Variants in TNFSF10 observed in about 807,000 individuals in gnomAD.
The protein encoded by TNFSF10 is TNF superfamily member 10, also known as tumor necrosis factor ligand superfamily member 10.
TNFSF10 carries 13 observed loss-of-function variants against 29.5 expected under a neutral mutation model. The ratio of observed to expected loss-of-function variants is 0.44; its 90% CI spans 0.29 to 0.70. The LOEUF (loss-of-function observed/expected upper bound fraction) is 0.70, where lower values mean the gene tolerates loss of function less well. TNFSF10 is among the 30% of genes least tolerant of loss of function. The pLI is 0.13. For missense variants in TNFSF10, 345 were observed against 330.9 expected (o/e 1.04, Z -0.33); for synonymous variants, 111 against 112.8 (o/e 0.98, Z 0.10).
chr3:172,512,994 A>G (rs1274451948), intron 2 of TNFSF10, among the ~76,000 whole-genome samples: 1 of 152,244 alleles, frequency 6.6e-6, no homozygotes, highest in Non-Finnish European at 1.5e-5. Flanking sequence ...AATGTATGAA[A>G]TGGGCATAGG....
chr3:172,511,360 A>C (rs1713216417), intron 3 of TNFSF10: 10 of 342,426 alleles, frequency 2.9e-5, no homozygotes, highest in Admixed American at 4.8e-5. Context: ...AATTAAGGTG[A>C]AAGGAAAATT....
At chr3:172,508,979 T>C (rs574599420) in intron 4 of TNFSF10, among the ~76,000 whole-genome samples, 1 of 152,142 alleles carries the variant, frequency 6.6e-6, no homozygotes, top group African/African-American at 2.4e-5. Context: ...TCCTGAAAAC[T>C]GCAAAGACAA....
rs369453408 is a variant in TNFSF10 at position 172,515,001 on chromosome 3, G to T, written c.133-3C>A. On this transcript the variant is annotated splice_polypyrimidine_tract_variant and splice_region_variant and intron_variant, in intron 1 of 4. Coordinates refer to ENST00000241261, the MANE Select transcript of TNFSF10 (RefSeq NM_003810.4). ...CTTTTGGAGTACTTGTCCTGCATCT[G>T]GGTTGAGATGGAATATAACACAATA... The T allele has an allele frequency of 4.3e-6, 7 of 1,613,878 alleles. No homozygotes were observed. The highest frequency in any genetic ancestry group is 4.0e-5 in the African/African-American group (3 of 74,864).
At chr3:172,507,241 C>G (rs1713027991) in intron 4 of TNFSF10, 1 of 277,400 alleles carries the variant, frequency 3.6e-6, no homozygotes, top group African/African-American at 2.2e-5. Flanking sequence ...AATGGTTTCT[C>G]CTGGGCAGAA....
intron 1 of TNFSF10, chr3:172,517,487 G>A: frequency 2.0e-6 from 2 of 984,714 alleles, no homozygotes; most frequent in Non-Finnish European, 2.4e-6. Flanking sequence ...GGGAAGCATG[G>A]AAAAGTAAAG....
At chr3:172,517,756 A>G (rs926075480) in intron 1 of TNFSF10, 5 of 984,036 alleles carry the variant, frequency 5.1e-6, no homozygotes, top group Non-Finnish European at 4.8e-6. Context: ...GGATATTTTT[A>G]TAACATTCCC....
rs760580153 is a variant in TNFSF10 at position 172,514,924 on chromosome 3, G to T, written c.207C>A (p.Asp69Glu). 1 of 1,613,972 alleles carries T rather than the reference G, an allele frequency of 6.2e-7. No homozygotes were observed. The highest frequency in any genetic ancestry group is 8.5e-7 in the Non-Finnish European group (1 of 1,180,018). ...AGCAGGGGCTGTTCATACTCTCTTC[G>T]TCATTGGGGTCCCAATAACTGTCAT... ...KEDDSYWDPN[D>E]EESMNSPCWQ... Residue 69 changes from aspartate to glutamate, a missense_variant, in exon 2 of 5, where the codon GAC becomes GAA. Physicochemically the swap from Asp to Glu is conservative, Grantham distance 45 (BLOSUM62 2). Transcript: ENST00000241261.
rs1713370864 is a variant in TNFSF10, at chr3:172,514,952, T to C, written c.179A>G (p.Glu60Gly). ...ATTGGGGTCCCAATAACTGTCATCT[T>C]CTTTTAAGAAACAAGCAATGCCACT... ...SKSGIACFLK[E>G]DDSYWDPNDE... Residue 60 changes from glutamate to glycine, a missense_variant, in exon 2 of 5, where the codon GAA becomes GGA. By Grantham distance (98) the Glu-to-Gly change is moderately conservative. Coordinates refer to ENST00000241261, the MANE Select transcript of TNFSF10 (RefSeq NM_003810.4). 1 of 1,614,212 alleles carries C rather than the reference T, an allele frequency of 6.2e-7. No individual in the cohort carries two copies.
chr3:172,515,742 C>A (rs962510504), intron 1 of TNFSF10, among the ~76,000 whole-genome samples: 14 of 152,162 alleles, frequency 9.2e-5, no homozygotes, highest in African/African-American at 3.4e-4. Flanking sequence ...ATCAACAAAT[C>A]CTTGCTTGAT....
At position 172,523,224 on chromosome 3, in the gene TNFSF10, G is replaced by A. The variant is rs17848018; in HGVS notation, c.132+29C>T. ...TAACCAGACATTTGCTAAGCGCCTC[G>A]AAGACTGAGTGCACTGCACTGCACT... On this transcript the variant is annotated intron_variant, in intron 1 of 4. Coordinates refer to ENST00000241261, the MANE Select transcript of TNFSF10 (RefSeq NM_003810.4). 182 of 1,560,414 alleles carry A rather than the reference G, an allele frequency of 1.2e-4. No individual in the cohort carries two copies. In the East Asian group the frequency reaches 3.6e-3, roughly 31 times the overall value.
intron 3 of TNFSF10, among the ~76,000 whole-genome samples, chr3:172,510,794 C>T (rs1022851182): frequency 6.6e-6 from 1 of 151,872 alleles, no homozygotes; most frequent in Non-Finnish European, 1.5e-5. Flanking sequence ...GGAACAGGTC[C>T]TGTCCTTTAT....
chr3:172,514,246 T>C (rs540052179), intron 2 of TNFSF10, among the ~76,000 whole-genome samples: 1 of 152,266 alleles, frequency 6.6e-6, no homozygotes, highest in Non-Finnish European at 1.5e-5. Context: ...TTAACTAACA[T>C]GTCTCTGCTG....
At chr3:172,511,581 A>T (rs1416409670) in intron 3 of TNFSF10, 36 bp downstream of exon 3, 1 of 1,552,184 alleles carries the variant, frequency 6.4e-7, no homozygotes, top group Non-Finnish European at 8.8e-7. Flanking sequence ...TGAAGATGAC[A>T]GTAAAAAATT....
chr3:172,518,419 C>T, intron 1 of TNFSF10: 1 of 1,289,260 alleles, frequency 7.8e-7, no homozygotes, highest in Non-Finnish European at 1.0e-6. Context: ...CAGCAATGAC[C>T]CTGTCTGCTG....
At chr3:172,517,461 G>T (rs1713482072) in intron 1 of TNFSF10, 1 of 982,510 alleles carries the variant, frequency 1.0e-6, no homozygotes, top group Non-Finnish European at 1.2e-6. Context: ...ATACATTCAG[G>T]ATACACAGGC....
intron 4 of TNFSF10, 99 bp from the exon 5 acceptor site, chr3:172,507,018 C>T (rs1713018647): frequency 4.7e-6 from 5 of 1,064,346 alleles, no homozygotes; most frequent in Non-Finnish European, 6.6e-6. Flanking sequence ...TTTTGTTGGG[C>T]TTGCCAGGGA....
At chr3:172,518,330 T>C (rs1286647279) in intron 1 of TNFSF10, 2 of 1,243,876 alleles carry the variant, frequency 1.6e-6, no homozygotes, top group Admixed American at 5.2e-5. Context: ...ACACGGTGGT[T>C]GTCTAGGCCA....
Position 172,514,905 on chromosome 3 carries a change from G to A in TNFSF10, c.226C>T (p.Pro76Ser). 6.2e-7 allele frequency: 1 copy of A among 1,614,040 alleles called. No homozygotes were observed. The change falls in exon 2 of 5, where the codon CCC (proline) becomes TCC (serine). Residue 76 changes from proline (P) to serine (S), a missense_variant. Pro to Ser is a moderately conservative substitution (Grantham distance 74). Transcript: ENST00000241261. The part of the protein sequence containing the change: ...DPNDEESMNS[P>S]CWQVKWQLRQ... ...AGTTGCCACTTGACTTGCCAGCAGG[G>A]GCTGTTCATACTCTCTTCGTCATTG...
chr3:172,510,035 A>C (rs1159240650), intron 3 of TNFSF10, among the ~76,000 whole-genome samples: 1 of 152,064 alleles, frequency 6.6e-6, no homozygotes, highest in East Asian at 1.9e-4. Context: ...GAATCAGTTC[A>C]AACTTCCCAA....
Sources: allele counts gnomAD v4.1 joint callset (sites outside exome capture counted in the v4.1 genomes callset), GRCh38; gene constraint gnomAD v4.1.1; transcripts MANE v1.5; gene names NCBI Gene and HGNC (gene_info 2026-07-23, HGNC 2026-07-21).